The following PCDH9 variants were observed in gnomAD, a reference collection of about 807,000 sequenced individuals.
The protein encoded by PCDH9 is protocadherin 9.
Under a neutral mutation model 70.6 loss-of-function variants are expected in PCDH9, and 24 were observed. The ratio of observed to expected loss-of-function variants is 0.34; its 90% confidence interval spans 0.25 to 0.48. The LOEUF is 0.48. PCDH9 is among the 20% of genes least tolerant of loss of function. The pLI is 0.99. For missense variants in PCDH9, 1,281 were observed against 1,503.6 expected (o/e 0.85, Z 2.45); for synonymous variants, 562 against 558.5 (o/e 1.01, Z -0.09).
At chr13:66,777,386 C>A (rs1043692999) in intron 3 of PCDH9, among the ~76,000 whole-genome samples, 4 of 151,394 alleles carry the variant, frequency 2.6e-5, no homozygotes, top group Non-Finnish European at 4.4e-5. Flanking sequence ...ACTCATCTGA[C>A]AAAGGGCTAA....
rs1201425744 is a variant in PCDH9 at position 67,227,303 on chromosome 13, T to C, written c.1138A>G (p.Asn380Asp). ...TVYLSEKDPV[N>D]TKIALITVSD... ...ACTGTAATTAGGGCAATCTTTGTAT[T>C]GACAGGATCTTTCTCAGATAAATAC... Residue 380 changes from asparagine (N) to aspartate (D), a missense_variant, in exon 2 of 5, where the codon AAT becomes GAT. Transcript: ENST00000377865. The surrounding 1 kb of genome is among the most constrained non-coding windows in gnomAD (Gnocchi z 4.6). 3 of 1,613,528 alleles carry C rather than the reference T, an allele frequency of 1.9e-6. No homozygotes were observed. The highest frequency in any genetic ancestry group is 1.7e-6 in the Non-Finnish European group (2 of 1,179,584).
At chr13:66,780,449 T>C (rs1281694400) in intron 3 of PCDH9, among the ~76,000 whole-genome samples, 2 of 152,206 alleles carry the variant, frequency 1.3e-5, no homozygotes, top group African/African-American at 4.8e-5. Context: ...ACTCTGCTGT[T>C]GCCATTCTTT....
At chr13:66,713,743 CTAG>C (rs1306296318) in intron 3 of PCDH9, among the ~76,000 whole-genome samples, 4 of 150,992 alleles carry the variant, frequency 2.6e-5, no homozygotes, top group Non-Finnish European at 1.5e-5. Context: ...TCCACCACCT[CTAG>C]TATAGTAAGA....
intron 2 of PCDH9, among the ~76,000 whole-genome samples, chr13:66,949,065 G>A (rs777143437): frequency 2.8e-4 from 42 of 152,002 alleles, no homozygotes; most frequent in Non-Finnish European, 3.7e-4. Flanking sequence ...ACAAGTAGGC[G>A]TACGAGCTTG....
chr13:66,339,937 T>C (rs1307292134), intron 4 of PCDH9, among the ~76,000 whole-genome samples: 1 of 152,132 alleles, frequency 6.6e-6, no homozygotes, highest in Non-Finnish European at 1.5e-5. Flanking sequence ...GCTGAATCCC[T>C]CAACACCTCT....
chr13:67,088,473 G>T (rs190236765), intron 2 of PCDH9, among the ~76,000 whole-genome samples: 3 of 151,906 alleles, frequency 2.0e-5, no homozygotes, highest in Non-Finnish European at 4.4e-5. Context: ...TTCCTAGAAG[G>T]TTAATATAAA....
intron 2 of PCDH9, among the ~76,000 whole-genome samples, chr13:67,115,610 G>A (rs1212115346): frequency 6.6e-6 from 1 of 152,142 alleles, no homozygotes; most frequent in South Asian, 2.1e-4. Context: ...AGTTAGTAAT[G>A]CAAATAATTT....
chr13:66,970,593 A>G lies in PCDH9; in HGVS notation c.3037-66988T>C, dbSNP rs1454554061. ...ATTCAAGCTTACAGGGGTTCATGCC[A>G]CTGCACTCAAGCCTAGGAATGAGAC... On this transcript the variant is annotated intron_variant, in intron 2 of 4. Transcript: ENST00000377865. 4.7e-5 allele frequency among the ~76,000 whole-genome samples: 7 copies of G among 149,156 alleles called. No individual in the cohort carries two copies. The Admixed American group carries it at 4.8e-4, about 10-fold the overall frequency.
intron 4 of PCDH9, among the ~76,000 whole-genome samples, chr13:66,346,442 T>C (rs1175250525): frequency 6.6e-6 from 1 of 152,170 alleles, no homozygotes; most frequent in Non-Finnish European, 1.5e-5. Context: ...GTTGCTGAAA[T>C]AACTAACCTT....
intron 2 of PCDH9, among the ~76,000 whole-genome samples, chr13:67,100,852 A>G (rs1311976068): frequency 6.6e-6 from 1 of 152,194 alleles, no homozygotes; most frequent in African/African-American, 2.4e-5. Context: ...CGAAATATCT[A>G]TGGAAAGGGG....
intron 2 of PCDH9, among the ~76,000 whole-genome samples, chr13:67,158,102 C>T (rs761382299): frequency 2.0e-4 from 30 of 152,188 alleles, no homozygotes; most frequent in Non-Finnish European, 3.8e-4. Flanking sequence ...TAGTACATCA[C>T]ATGCAAGCTT....
chr13:66,481,645 A>G (rs1471299352), intron 4 of PCDH9, among the ~76,000 whole-genome samples: 1 of 152,198 alleles, frequency 6.6e-6, no homozygotes, highest in Non-Finnish European at 1.5e-5. Flanking sequence ...AAAATCTCCA[A>G]GGTATGCCGA....
chr13:66,891,816 A>T (rs554502548), intron 3 of PCDH9, among the ~76,000 whole-genome samples: 73 of 147,694 alleles, frequency 4.9e-4, no homozygotes, highest in Admixed American at 1.2e-3. Flanking sequence ...CATGTATTCC[A>T]TTTTTTTTTT....
At chr13:67,094,733 T>G (rs1163726119) in intron 2 of PCDH9, among the ~76,000 whole-genome samples, 1 of 152,118 alleles carries the variant, frequency 6.6e-6, no homozygotes, top group Non-Finnish European at 1.5e-5. Context: ...AAGTATAATG[T>G]CAAGCCAGTT....
intron 2 of PCDH9, among the ~76,000 whole-genome samples, chr13:66,912,880 T>A (rs1370906133): frequency 6.6e-6 from 1 of 151,916 alleles, no homozygotes; most frequent in African/African-American, 2.4e-5. Flanking sequence ...AGGAGAGGAG[T>A]TTTAAAAGCC....
At chr13:66,624,557 C>G (rs1013897866) in intron 4 of PCDH9, among the ~76,000 whole-genome samples, 3 of 152,160 alleles carry the variant, frequency 2.0e-5, no homozygotes, top group African/African-American at 7.2e-5. Flanking sequence ...CTTGGGCACC[C>G]TACAGGCAGA....
intron 4 of PCDH9, among the ~76,000 whole-genome samples, chr13:66,385,652 C>T (rs1036457652): frequency 2.0e-5 from 3 of 151,980 alleles, no homozygotes; most frequent in Admixed American, 6.6e-5. Context: ...TTTCATTATT[C>T]CTTCTTATTA....
intron 4 of PCDH9, among the ~76,000 whole-genome samples, chr13:66,417,163 C>T (rs776910555): frequency 6.6e-6 from 1 of 152,132 alleles, no homozygotes; most frequent in Non-Finnish European, 1.5e-5. Context: ...TCTCCTAATG[C>T]TATTCCTCCC....
At chr13:66,489,369 C>G (rs1298963055) in intron 4 of PCDH9, among the ~76,000 whole-genome samples, 1 of 152,096 alleles carries the variant, frequency 6.6e-6, no homozygotes, top group Non-Finnish European at 1.5e-5. Flanking sequence ...GGCTGGAGTG[C>G]AGTAGATTAC....
Sources: gnomAD v4.1 joint callset for allele counts (sites outside exome capture counted in the v4.1 genomes callset) on GRCh38, gnomAD v4.1.1 for gene constraint, Gnocchi (gnomAD v3.1) non-coding constraint, MANE v1.5 for transcripts, NCBI Gene and HGNC (gene_info 2026-07-23, HGNC 2026-07-21) for gene names.